Variants in ITPR2 observed in about 807,000 individuals in gnomAD.
ITPR2 encodes inositol 1,4,5-trisphosphate-gated calcium channel ITPR2.
In ITPR2, 207 loss-of-function variants were observed where a neutral mutation model predicts 317.1. That is an observed-to-expected ratio of 0.65 (90% CI 0.58 to 0.73). ITPR2 has a LOEUF of 0.73. ITPR2 is among the 30% of genes least tolerant of loss of function. The probability of loss-of-function intolerance (pLI) is 0.00; values close to 1 mark genes in which losing one functional copy is unlikely to be tolerated. For synonymous variants in ITPR2, 1,156 were observed against 1,149.1 expected (o/e 1.01, Z -0.12); for missense variants, 2,613 against 3,284.0 (o/e 0.80, Z 4.99).
intron 5 of ITPR2, 53 bp from the exon 6 acceptor site, chr12:26,716,295 A>G (rs1555181406): frequency 8.4e-7 from 1 of 1,195,360 alleles, no homozygotes; most frequent in Non-Finnish European, 1.2e-6. Context: ...CTTTGGTGCT[A>G]TATTCGAAGC....
At chr12:26,562,939 A>G (rs1944859520) in intron 34 of ITPR2, among the ~76,000 whole-genome samples, 2 of 152,140 alleles carry the variant, frequency 1.3e-5, no homozygotes, top group Admixed American at 1.3e-4. Context: ...GAAATAACAC[A>G]AAACATGAAG....
In ITPR2 at chr12:26,578,353, C is replaced by G. The variant is rs116114821; in HGVS notation, c.4630+360G>C. On this transcript the variant is annotated intron_variant, in intron 34 of 56. Coordinates refer to ENST00000381340, the MANE Select transcript of ITPR2 (RefSeq NM_002223.4). ...AAACAAAATTGGAAAACTACAAGAC[C>G]CTCAAAAAGTCCTATGTCATATGAA... Among the ~76,000 whole-genome samples, 1,108 of 152,140 alleles carry G rather than the reference C, an allele frequency of 7.3e-3. 19 individuals carry two copies. The highest frequency in any genetic ancestry group is 0.025 in the African/African-American group (1,040 of 41,508).
chr12:26,763,103 G>C (rs1002395786), intron 2 of ITPR2, among the ~76,000 whole-genome samples: 1 of 152,034 alleles, frequency 6.6e-6, no homozygotes, highest in Non-Finnish European at 1.5e-5. Context: ...ATATCTAAGA[G>C]AGTATATCTT....
chr12:26,711,323 C>G, intron 8 of ITPR2, 55 bp from the exon 9 acceptor site: 1 of 1,175,582 alleles, frequency 8.5e-7, no homozygotes, highest in Admixed American at 1.7e-5. Context: ...TCCTGGCAAG[C>G]AAACACCAAC....
At chr12:26,757,494 GC>G (rs2137117802) in intron 2 of ITPR2, among the ~76,000 whole-genome samples, 1 of 152,208 alleles carries the variant, frequency 6.6e-6, no homozygotes, top group East Asian at 1.9e-4. Flanking sequence ...AGGATTACAG[GC>G]ATGAGCCACC....
intron 1 of ITPR2, among the ~76,000 whole-genome samples, chr12:26,806,669 T>C (rs1222859177): frequency 6.6e-6 from 1 of 152,244 alleles, no homozygotes; most frequent in Non-Finnish European, 1.5e-5. Flanking sequence ...TGAGTGGTAG[T>C]AGCTGGGACT....
chr12:26,643,951 A>ACCATT (rs1947051295), intron 21 of ITPR2, among the ~76,000 whole-genome samples: 1 of 152,166 alleles, frequency 6.6e-6, no homozygotes, highest in Non-Finnish European at 1.5e-5. Context: ...TGGCCAAGTG[A>ACCATT]CCATTCGTAA....
intron 32 of ITPR2, among the ~76,000 whole-genome samples, chr12:26,589,229 A>G (rs137931557): frequency 3.3e-4 from 51 of 152,346 alleles, no homozygotes; most frequent in Middle Eastern, 6.8e-3. Context: ...AGAATGGAAT[A>G]AGAATGTGAA....
At chr12:26,659,088 G>C (rs769566580) in intron 16 of ITPR2, 25 bp downstream of exon 16, 1 of 1,576,326 alleles carries the variant, frequency 6.3e-7, no homozygotes, top group East Asian at 2.3e-5. Context: ...CACTAGAAAA[G>C]AATACCGCAT....
chr12:26,515,691 C>T (rs570160098), intron 37 of ITPR2, among the ~76,000 whole-genome samples: 14 of 152,170 alleles, frequency 9.2e-5, no homozygotes, highest in Admixed American at 2.6e-4. Flanking sequence ...GGCCGAGCCG[C>T]ATCCCCAAGA....
At position 26,572,370 on chromosome 12, in the gene ITPR2, A is replaced by G. The variant is rs545236047; in HGVS notation, c.4630+6343T>C. 1.2e-4 allele frequency among the ~76,000 whole-genome samples: 19 copies of G among 152,266 alleles called. No individual in the cohort carries two copies. In the South Asian group the frequency reaches 3.7e-3, roughly 30 times the overall value. ...TGGGCCTTATCCAAGAAAACAGGAG[A>G]TTCATGGCAATCCATTAAAAGGGGC... On this transcript the variant is annotated intron_variant, in intron 34 of 56. Coordinates refer to ENST00000381340, the MANE Select transcript of ITPR2 (RefSeq NM_002223.4).
chr12:26,479,969 C>T (rs1316136235), intron 43 of ITPR2, among the ~76,000 whole-genome samples: 2 of 152,102 alleles, frequency 1.3e-5, no homozygotes, highest in African/African-American at 2.4e-5. Flanking sequence ...ACAATCTTCA[C>T]GTAAACATAT....
At chr12:26,790,542 G>A (rs1050972919) in intron 1 of ITPR2, among the ~76,000 whole-genome samples, 2 of 150,612 alleles carry the variant, frequency 1.3e-5, no homozygotes, top group African/African-American at 4.9e-5. Context: ...TTTACAGTAT[G>A]TAGTGAATGT....
intron 45 of ITPR2, among the ~76,000 whole-genome samples, chr12:26,471,241 C>T (rs1942284925): frequency 6.6e-6 from 1 of 152,130 alleles, no homozygotes; most frequent in African/African-American, 2.4e-5. Context: ...GAAATTGCTT[C>T]AGGAGAGAAT....
At chr12:26,769,445 C>G (rs1305501331) in intron 2 of ITPR2, among the ~76,000 whole-genome samples, 1 of 152,072 alleles carries the variant, frequency 6.6e-6, no homozygotes, top group African/African-American at 2.4e-5. Flanking sequence ...AGGCAGTTGA[C>G]TTCGGCTTGA....
intron 55 of ITPR2, among the ~76,000 whole-genome samples, chr12:26,340,697 C>T (rs1172840617): frequency 6.6e-6 from 1 of 152,080 alleles, no homozygotes; most frequent in Non-Finnish European, 1.5e-5. Context: ...TTCTCTTTCC[C>T]CCTGGCACAC....
chr12:26,471,126 G>C (rs963418218), intron 45 of ITPR2, among the ~76,000 whole-genome samples: 3 of 152,148 alleles, frequency 2.0e-5, no homozygotes, highest in Non-Finnish European at 4.4e-5. Flanking sequence ...GCTTCCTACA[G>C]CTTGCTATCT....
chr12:26,365,243 A>G (rs1340171216), intron 55 of ITPR2, among the ~76,000 whole-genome samples: 1 of 152,238 alleles, frequency 6.6e-6, no homozygotes, highest in East Asian at 1.9e-4. Context: ...ACAAAGAATG[A>G]AAATGTAATT....
intron 34 of ITPR2, among the ~76,000 whole-genome samples, chr12:26,563,059 G>A (rs1402870981): frequency 6.6e-6 from 1 of 151,918 alleles, no homozygotes; most frequent in Non-Finnish European, 1.5e-5. Flanking sequence ...AATAATAACA[G>A]CTGAAGAGCT....
Sources: gnomAD v4.1 joint callset for allele counts (sites outside exome capture counted in the v4.1 genomes callset) on GRCh38, gnomAD v4.1.1 for gene constraint, MANE v1.5 for transcripts, NCBI Gene and HGNC (gene_info 2026-07-23, HGNC 2026-07-21) for gene names.